Variants in FRAS1 observed in about 807,000 individuals in gnomAD.
The protein encoded by FRAS1 is Fraser extracellular matrix complex subunit 1, also known as extracellular matrix organizing protein FRAS1.
Under a neutral mutation model 435.2 loss-of-function variants are expected in FRAS1, and 290 were observed. That is an observed-to-expected ratio of 0.67 (90% confidence interval 0.61 to 0.73). FRAS1 has a LOEUF of 0.73. FRAS1 is among the 30% of genes least tolerant of loss of function. The pLI, the probability that FRAS1 is intolerant of heterozygous loss-of-function variation, is 0.00. For synonymous variants in FRAS1, 1,800 were observed against 1,851.0 expected, an observed-to-expected ratio of 0.97 and a Z score of 0.71; for missense variants, 4,860 against 5,001.5, an observed-to-expected ratio of 0.97 and a Z score of 0.85.
intron 2 of FRAS1, among the ~76,000 whole-genome samples, chr4:78,223,682 A>G (rs911802032): frequency 5.3e-5 from 8 of 152,176 alleles, no homozygotes; most frequent in Non-Finnish European, 1.0e-4. Context: ...CACTTGCCAA[A>G]CAGAGCTTCA....
chr4:78,269,782 G>A (rs1435512118), intron 9 of FRAS1, among the ~76,000 whole-genome samples: 5 of 152,174 alleles, frequency 3.3e-5, no homozygotes, highest in Non-Finnish European at 5.9e-5. Flanking sequence ...AGGTGAAGAA[G>A]TCAAATTACC....
intron 2 of FRAS1, among the ~76,000 whole-genome samples, chr4:78,183,606 A>G (rs1486654540): frequency 6.6e-6 from 1 of 152,174 alleles, no homozygotes; most frequent in African/African-American, 2.4e-5. Context: ...TCTTGGTTTT[A>G]AAGTGTGTCT....
intron 2 of FRAS1, among the ~76,000 whole-genome samples, chr4:78,125,157 T>C (rs996056297): frequency 6.6e-6 from 1 of 152,240 alleles, no homozygotes; most frequent in Admixed American, 6.5e-5. Context: ...CACACTGCTT[T>C]AAATGTGTCC....
At chr4:78,275,767 T>G (rs1278900891) in intron 9 of FRAS1, among the ~76,000 whole-genome samples, 2 of 152,214 alleles carry the variant, frequency 1.3e-5, no homozygotes, top group Non-Finnish European at 2.9e-5. Context: ...TCATTTCAAC[T>G]TTGGTGAATC....
At chr4:78,211,352 G>T (rs910995527) in intron 2 of FRAS1, among the ~76,000 whole-genome samples, 2 of 152,226 alleles carry the variant, frequency 1.3e-5, no homozygotes, top group African/African-American at 2.4e-5. Context: ...TTTTTAAAAA[G>T]AAGTCAACTT....
intron 2 of FRAS1, among the ~76,000 whole-genome samples, chr4:78,076,854 G>C (rs1282852910): frequency 1.3e-5 from 2 of 152,150 alleles, no homozygotes; most frequent in African/African-American, 4.8e-5. Flanking sequence ...CTGTTGAAGA[G>C]AAATAAGTAT....
intron 2 of FRAS1, among the ~76,000 whole-genome samples, chr4:78,227,731 G>A (rs1236125625): frequency 6.6e-6 from 1 of 152,212 alleles, no homozygotes. Flanking sequence ...CACTTTTAGA[G>A]CAAAGGTCTT....
At chr4:78,074,726 T>G (rs1232315452) in intron 2 of FRAS1, among the ~76,000 whole-genome samples, 1 of 152,190 alleles carries the variant, frequency 6.6e-6, no homozygotes, top group African/African-American at 2.4e-5. Flanking sequence ...TGTGTGGAAC[T>G]GCTAATATTG....
intron 49 of FRAS1, among the ~76,000 whole-genome samples, chr4:78,465,559 A>C (rs1016258065): frequency 1.3e-5 from 2 of 152,230 alleles, no homozygotes; most frequent in East Asian, 3.8e-4. Context: ...ATACAAAGGC[A>C]CTGTGATCAA....
intron 3 of FRAS1, 132 bp from the exon 4 acceptor site, chr4:78,245,101 T>C: frequency 1.4e-6 from 1 of 690,840 alleles, no homozygotes; most frequent in Non-Finnish European, 2.6e-6. Context: ...CTATTCATTT[T>C]ATCCCATCTG....
At chr4:78,420,040 G>A (rs939894023) in intron 33 of FRAS1, among the ~76,000 whole-genome samples, 1 of 151,966 alleles carries the variant, frequency 6.6e-6, no homozygotes, top group African/African-American at 2.4e-5. Context: ...GATTTGGGTG[G>A]GGACACAGAT....
At position 78,214,467 on chromosome 4, in the gene FRAS1, A is replaced by G. The variant is rs1723661441; in HGVS notation, c.109-23043A>G. ...TCATCTGGCTTCAAGAACTGTTAAC[A>G]TTTGCCAGTCTTCCTTCATCTGCCT... is the stretch of plus-strand genomic sequence containing the variant. On this transcript the variant is annotated intron_variant, in intron 2 of 73. Coordinates refer to ENST00000512123, the MANE Select transcript of FRAS1 (RefSeq NM_025074.7). 4.6e-5 allele frequency among the ~76,000 whole-genome samples: 7 copies of G among 152,352 alleles called. No homozygotes were observed. In the South Asian group the frequency reaches 1.5e-3, roughly 32 times the overall value.
Position 78,508,945 on chromosome 4 carries a change from G to A in FRAS1, c.9719G>A (p.Gly3240Glu), listed in dbSNP as rs1720939816. 3 of 1,613,948 alleles carry A rather than the reference G, an allele frequency of 1.9e-6. No individual in the cohort carries two copies. Among genetic ancestry groups the A allele is most frequent in the Non-Finnish European group, 2.5e-6 (3 of 1,179,878 alleles). ...GTGGCTGCCCCCACTGATGGCAATG[G>A]GGCCCGGTCTCCCTTTGAAACCATC... ...WEVAAPTDGN[G>E]ARSPFETITD... The change falls in exon 63 of 74, where the codon GGG becomes GAG. Residue 3240 changes from glycine to glutamate, a missense_variant. Coordinates refer to ENST00000512123, the MANE Select transcript of FRAS1 (RefSeq NM_025074.7).
chr4:78,534,481 A>C lies in FRAS1; in HGVS notation c.10958A>C (p.Asn3653Thr). 6.2e-7 allele frequency: 1 copy of C among 1,613,464 alleles called. No individual in the cohort carries two copies. The highest frequency in any genetic ancestry group is 8.5e-7 in the Non-Finnish European group (1 of 1,179,640). The stretch of plus-strand genomic sequence containing the variant: ...ATACCCATTGCATTCCAGCAGACCA[A>C]CCGCCCTGTGCCAGTTGTGTATTCA... ...FLIPIAFQQTNRPVPVVYSLN... is the reference protein window; with the variant it reads ...FLIPIAFQQTTRPVPVVYSLN... The change falls in exon 71 of 74, where the codon AAC becomes ACC. Residue 3653 changes from asparagine (N) to threonine (T), a missense_variant. Transcript: ENST00000512123.
intron 54 of FRAS1, among the ~76,000 whole-genome samples, chr4:78,476,600 G>A (rs753051389): frequency 2.0e-5 from 3 of 152,082 alleles, no homozygotes; most frequent in Non-Finnish European, 4.4e-5. Context: ...ATGTAAGTGA[G>A]GAATTAGGAA....
intron 2 of FRAS1, among the ~76,000 whole-genome samples, chr4:78,142,553 A>G (rs1720239054): frequency 6.6e-6 from 1 of 152,172 alleles, no homozygotes; most frequent in African/African-American, 2.4e-5. Context: ...TATAGTCTTT[A>G]AAATAACTAT....
chr4:78,094,935 T>TTA (rs967546601), intron 2 of FRAS1, among the ~76,000 whole-genome samples: 12 of 152,118 alleles, frequency 7.9e-5, no homozygotes, highest in Non-Finnish European at 1.8e-4. Flanking sequence ...TTAAGTGAGT[T>TTA]TATATATATT....
At chr4:78,468,629 G>A (rs775497281) in intron 50 of FRAS1, among the ~76,000 whole-genome samples, 4 of 152,132 alleles carry the variant, frequency 2.6e-5, no homozygotes, top group Admixed American at 2.0e-4. Flanking sequence ...CAGATATCCA[G>A]AAGAAATGTT....
At position 78,452,210 on chromosome 4, in the gene FRAS1, G is replaced by C. The variant is rs1372721433; in HGVS notation, c.6619G>C (p.Gly2207Arg). 6.2e-7 allele frequency: 1 copy of C among 1,613,738 alleles called. No individual in the cohort carries two copies. Among genetic ancestry groups the C allele is most frequent in the African/African-American group, 1.3e-5 (1 of 75,016 alleles). The change falls in exon 47 of 74, where the codon GGA becomes CGA. Residue 2207 changes from glycine to arginine, a missense_variant. Physicochemically the swap from Gly to Arg is moderately radical, Grantham distance 125. Transcript: ENST00000512123. ...KSPPVITTNK[G>R]LVLDENSVKK... ...CCCACCAGTCATCACCACCAATAAA[G>C]GACTGGTCTTGGATGAAAACTCAGT...
Sources: allele counts gnomAD v4.1 joint callset (sites outside exome capture counted in the v4.1 genomes callset), GRCh38; gene constraint gnomAD v4.1.1; transcripts MANE v1.5; gene names NCBI Gene and HGNC (gene_info 2026-07-23, HGNC 2026-07-21).